MAP2K5: variants seen among roughly 807,000 people sequenced by gnomAD.
MAP2K5 encodes the protein dual specificity mitogen-activated protein kinase kinase 5.
In MAP2K5, 49 loss-of-function variants were observed where a neutral mutation model predicts 83.1. The ratio of observed to expected loss-of-function variants is 0.59; its 90% CI spans 0.47 to 0.75. The LOEUF (loss-of-function observed/expected upper bound fraction) is 0.75. MAP2K5 is among the 30% of genes least tolerant of loss of function. The pLI is 0.00. For missense variants in MAP2K5, 457 were observed against 557.5 expected (o/e 0.82, Z 1.82); for synonymous variants, 202 against 191.8 (o/e 1.05, Z -0.44).
At chr15:67,569,078 T>C (rs62015148) in intron 3 of MAP2K5, among the ~76,000 whole-genome samples, 2,372 of 151,550 alleles carry the variant, frequency 0.016, 39 homozygotes, top group African/African-American at 0.034. Flanking sequence ...TGTCCTTACC[T>C]ACAAGGCTGT....
Position 67,543,217 on chromosome 15 carries a change from C to T in MAP2K5, c.-119C>T, listed in dbSNP as rs1434810627. On this transcript the variant is annotated 5_prime_UTR_variant, in exon 1 of 22. Transcript: ENST00000178640. The surrounding 1 kb of genome is among the most constrained non-coding windows in gnomAD (Gnocchi z 4.3). ...TCTTCCCTCCCCCTCATCCTCCATT[C>T]CCTTGTTTTCACCCTCTGTCCTCTG... is the stretch of plus-strand genomic sequence containing the variant. The T allele has an allele frequency of 3.0e-6, 3 of 1,013,718 alleles. No individual in the cohort carries two copies. The highest frequency in any genetic ancestry group is 4.8e-5 in the East Asian group (2 of 41,472). 62.8% of individuals were successfully genotyped at this position (1,013,718 alleles called of 1,614,324 possible). A position where few individuals can be genotyped will look rare whatever the true frequency, so the allele number is the denominator to read the frequency against.
chr15:67,584,285 T>C (rs2085244581), intron 4 of MAP2K5, among the ~76,000 whole-genome samples: 1 of 152,222 alleles, frequency 6.6e-6, no homozygotes, highest in Admixed American at 6.5e-5. Flanking sequence ...GAGAAGTCAA[T>C]TGAGGAGTGA....
chr15:67,680,283 A>G (rs548100716), intron 13 of MAP2K5, among the ~76,000 whole-genome samples: 1 of 152,336 alleles, frequency 6.6e-6, no homozygotes, highest in Non-Finnish European at 1.5e-5. Context: ...ACTACTTTTC[A>G]TACACAAGTC....
chr15:67,627,550 A>G (rs929269558), intron 8 of MAP2K5, among the ~76,000 whole-genome samples: 2 of 152,216 alleles, frequency 1.3e-5, no homozygotes, highest in South Asian at 2.1e-4. Flanking sequence ...CATATGCTTT[A>G]TATATGTAGT....
chr15:67,592,970 G>A lies in MAP2K5; in HGVS notation c.476G>A (p.Gly159Asp). Residue 159 changes from glycine (G) to aspartate (D), a missense_variant, in exon 7 of 22, where the codon GGC becomes GAC. Coordinates refer to ENST00000178640, the MANE Select transcript of MAP2K5 (RefSeq NM_145160.3). ...GAACTGAAAAAAATACTAGCCAATG[G>A]CCAGGTAGGTATTATTATATATTAA... is the stretch of plus-strand genomic sequence containing the variant. Reference protein sequence around the residue: ...SAELKKILANGQMNEQDIRYR... With the variant: ...SAELKKILANDQMNEQDIRYR... The A allele has an allele frequency of 1.9e-6, 3 of 1,594,062 alleles. No individual in the cohort carries two copies. The highest frequency in any genetic ancestry group is 1.7e-6 in the Non-Finnish European group (2 of 1,164,784).
intron 8 of MAP2K5, among the ~76,000 whole-genome samples, chr15:67,626,531 A>G (rs1221780239): frequency 6.6e-6 from 1 of 152,184 alleles, no homozygotes; most frequent in Non-Finnish European, 1.5e-5. Context: ...CATCTTAAAC[A>G]AGCAAACAAA....
rs761548743 is a variant in MAP2K5, at chr15:67,613,446, C to T, written c.545+12697C>T. ...TATAATGATACATGTGAAAGACCAG[C>T]TGTTTGGGATATATCTATTATCTCA... On this transcript the variant is annotated intron_variant, in intron 8 of 21. Coordinates refer to ENST00000178640, the MANE Select transcript of MAP2K5 (RefSeq NM_145160.3). Among the ~76,000 whole-genome samples the T allele has an allele frequency of 2.6e-5, 4 of 152,134 alleles. No individual in the cohort carries two copies. In the South Asian group the frequency reaches 8.3e-4, roughly 31 times the overall value.
chr15:67,693,522 T>C lies in MAP2K5; in HGVS notation c.926T>C (p.Val309Ala). The C allele has an allele frequency of 6.2e-7, 1 of 1,611,268 alleles. No homozygotes were observed. Among genetic ancestry groups the C allele is most frequent in the Non-Finnish European group, 8.5e-7 (1 of 1,178,210 alleles). The change falls in exon 15 of 22, where the codon GTG (valine) becomes GCG (alanine). Residue 309 changes from valine to alanine, a missense_variant. Around this residue, in one of 3 missense-constraint regions of MAP2K5, gnomAD observed 168 missense variants for 263.0 expected, o/e 0.64. Coordinates refer to ENST00000178640, the MANE Select transcript of MAP2K5 (RefSeq NM_145160.3). ...LCDFGVSTQLVNSIAKTYVGT... is the reference protein window; with the variant it reads ...LCDFGVSTQLANSIAKTYVGT... The stretch of plus-strand genomic sequence containing the variant: ...ACAGACTGTTTTGTCTCATAGCTGG[T>C]GAATTCTATAGCCAAGACGTATGTT...
At chr15:67,731,394 A>G (rs2089217003) in intron 17 of MAP2K5, among the ~76,000 whole-genome samples, 1 of 152,182 alleles carries the variant, frequency 6.6e-6, no homozygotes, top group Admixed American at 6.5e-5. Context: ...TGAGATAGCC[A>G]TTCTGTATGA....
rs551579124 is a variant in MAP2K5, at chr15:67,794,243, A to G, written c.1243-12403A>G. 6.6e-6 allele frequency among the ~76,000 whole-genome samples: 1 copy of G among 152,278 alleles called. No homozygotes were observed. The highest frequency in any genetic ancestry group is 1.5e-5 in the Non-Finnish European group (1 of 68,030). ...AATTTTCTTCAACATTACCTTGGAAACCACAGTAAATCAATAACAGAATAG... is the reference window on the plus strand; with the variant it reads ...AATTTTCTTCAACATTACCTTGGAAGCCACAGTAAATCAATAACAGAATAG... On this transcript the variant is annotated intron_variant, in intron 21 of 21. Transcript: ENST00000178640. This position sits in a 1 kb window ranked among gnomAD's most constrained non-coding sequence, Gnocchi z 4.6.
chr15:67,687,553 A>T (rs143219898), intron 13 of MAP2K5, among the ~76,000 whole-genome samples: 1 of 152,184 alleles, frequency 6.6e-6, no homozygotes, highest in Non-Finnish European at 1.5e-5. Flanking sequence ...CACAGCACCT[A>T]GTACCATATC....
intron 16 of MAP2K5, among the ~76,000 whole-genome samples, chr15:67,710,650 T>G (rs1270633478): frequency 6.6e-6 from 1 of 152,036 alleles, no homozygotes; most frequent in Non-Finnish European, 1.5e-5. Flanking sequence ...ATCACAGGCA[T>G]GCGCCACCAC....
At chr15:67,771,355 C>G (rs542658184) in intron 20 of MAP2K5, among the ~76,000 whole-genome samples, 12 of 152,290 alleles carry the variant, frequency 7.9e-5, no homozygotes, top group African/African-American at 1.7e-4. Flanking sequence ...AATCTTATCT[C>G]GCTGTGTGGT....
chr15:67,729,542 G>A (rs1259323010), intron 17 of MAP2K5, among the ~76,000 whole-genome samples: 2 of 152,032 alleles, frequency 1.3e-5, no homozygotes, highest in Non-Finnish European at 2.9e-5. Context: ...AGGCCGAGGT[G>A]GGCGGATCAC....
At chr15:67,692,206 CTGT>C (rs2088130876) in intron 13 of MAP2K5, among the ~76,000 whole-genome samples, 2 of 152,220 alleles carry the variant, frequency 1.3e-5, no homozygotes, top group East Asian at 1.9e-4. Context: ...GGTGTATTTA[CTGT>C]TGTTGTAAGC....
chr15:67,709,873 C>A (rs2088647929), intron 16 of MAP2K5, among the ~76,000 whole-genome samples: 1 of 152,184 alleles, frequency 6.6e-6, no homozygotes, highest in Non-Finnish European at 1.5e-5. Context: ...TAAAAAGGCA[C>A]CAAGCCAGTC....
intron 6 of MAP2K5, among the ~76,000 whole-genome samples, chr15:67,590,005 G>GT (rs1350064831): frequency 6.6e-6 from 1 of 152,098 alleles, no homozygotes; most frequent in Non-Finnish European, 1.5e-5. Context: ...CTATTATTAT[G>GT]TTAACTGGAC....
At chr15:67,752,867 A>G (rs1208710078) in intron 19 of MAP2K5, among the ~76,000 whole-genome samples, 1 of 149,292 alleles carries the variant, frequency 6.7e-6, no homozygotes, top group Non-Finnish European at 1.5e-5. Flanking sequence ...ATGGAAATAC[A>G]AGGGACTCAG....
chr15:67,721,843 TTAAA>T (rs1267592895), intron 16 of MAP2K5, among the ~76,000 whole-genome samples: 2 of 152,236 alleles, frequency 1.3e-5, no homozygotes, highest in Non-Finnish European at 2.9e-5. Flanking sequence ...TTGAATTTCC[TTAAA>T]TAGACACCAG....
Sources: allele counts gnomAD v4.1 joint callset (sites outside exome capture counted in the v4.1 genomes callset), GRCh38; gene constraint gnomAD v4.1.1; regional missense constraint gnomAD v4.1.1; non-coding constraint Gnocchi (gnomAD v3.1); transcripts MANE v1.5; gene names NCBI Gene and HGNC (gene_info 2026-07-23, HGNC 2026-07-21).